Variants in SLC35E3 observed in about 807,000 individuals in gnomAD.
SLC35E3 encodes the protein solute carrier family 35 member E3.
In SLC35E3, 28 loss-of-function variants were observed where a neutral mutation model predicts 30.8. The observed-to-expected ratio is 0.91, with a 90% CI of 0.67 to 1.25. SLC35E3 has a LOEUF of 1.25. SLC35E3 is among the 50% of genes most tolerant of loss of function. The pLI, the probability that SLC35E3 is intolerant of heterozygous loss-of-function variation, is 0.00. For missense variants in SLC35E3, 365 were observed against 375.4 expected, an observed-to-expected ratio of 0.97 and a Z score of 0.23; for synonymous variants, 146 against 149.2, an observed-to-expected ratio of 0.98 and a Z score of 0.16.
In SLC35E3 at chr12:68,773,693, C is replaced by T. The variant is rs965412796; in HGVS notation, c.*8803C>T. 6 of 152,064 alleles carry T rather than the reference C, an allele frequency of 3.9e-5. No individual in the cohort carries two copies. The highest frequency in any genetic ancestry group is 1.3e-4 in the Admixed American group (2 of 15,246). The allele number at this position is 152,064 out of a possible 1,614,324, so 9.4% of individuals were successfully genotyped here. On this transcript the variant is annotated 3_prime_UTR_variant, in exon 5 of 5. Transcript: ENST00000398004. ...CTAAAATTACAGCTGTGAAACACCGCGCCTGGAGTTTAAAAGCAAGATTAA... is the reference window on the plus strand; with the variant it reads ...CTAAAATTACAGCTGTGAAACACCGTGCCTGGAGTTTAAAAGCAAGATTAA...
intron 3 of SLC35E3, 111 bp downstream of exon 3, chr12:68,752,301 C>T (rs796877815): frequency 2.7e-5 from 28 of 1,054,468 alleles, no homozygotes; most frequent in African/African-American, 1.8e-4. Context: ...TCACATTTAT[C>T]GTCATAATCA....
rs568426122 is a variant in SLC35E3 at position 68,777,717 on chromosome 12, A to G, written c.*12827A>G. 1 of 152,330 alleles carries G rather than the reference A, an allele frequency of 6.6e-6. No individual in the cohort carries two copies. The highest frequency in any genetic ancestry group is 2.4e-5 in the African/African-American group (1 of 41,560). 9.4% of individuals were successfully genotyped at this position (152,330 alleles called of 1,614,324 possible). ...TGCTAGAAATGGAGTTCACCCAAAG[A>G]ATGACCATCACAGAATTTATGAACT... On this transcript the variant is annotated 3_prime_UTR_variant, in exon 5 of 5. Coordinates refer to ENST00000398004, the MANE Select transcript of SLC35E3 (RefSeq NM_018656.5).
Position 68,746,358 on chromosome 12 carries a change from G to T in SLC35E3, c.-20G>T. The T allele has an allele frequency of 6.5e-7, 1 of 1,546,830 alleles. No homozygotes were observed. The highest frequency in any genetic ancestry group is 8.7e-7 in the Non-Finnish European group (1 of 1,146,284). On this transcript the variant is annotated 5_prime_UTR_variant, in exon 1 of 5. Transcript: ENST00000398004. Reference sequence around the variant, plus strand: ...CCGGCGCCCCTTCCGAGGCTAGACGGCCCCAGCTTCGCGGGGATCATGGCA... The same window carrying T: ...CCGGCGCCCCTTCCGAGGCTAGACGTCCCCAGCTTCGCGGGGATCATGGCA...
rs1266605804 is a variant in SLC35E3 at position 68,771,101 on chromosome 12, C to G, written c.*6211C>G. The G allele has an allele frequency of 6.6e-6, 1 of 152,030 alleles. No homozygotes were observed. 9.4% of individuals were successfully genotyped at this position (152,030 alleles called of 1,614,324 possible). On this transcript the variant is annotated 3_prime_UTR_variant, in exon 5 of 5. Coordinates refer to ENST00000398004, the MANE Select transcript of SLC35E3 (RefSeq NM_018656.5). Reference sequence around the variant, plus strand: ...CCAGCCTGACCAACATGGTGAAACCCCGTCTCTACTAAAAGTACAAAAATT... The same window carrying G: ...CCAGCCTGACCAACATGGTGAAACCGCGTCTCTACTAAAAGTACAAAAATT...
chr12:68,777,626 C>G lies in SLC35E3; in HGVS notation c.*12736C>G, dbSNP rs1879779477. Reference sequence around the variant, plus strand: ...GTGAAGACGCACAACCCAAGTGGGACAGTCTGAATTTCCCCACCCTCAGGT... The same window carrying G: ...GTGAAGACGCACAACCCAAGTGGGAGAGTCTGAATTTCCCCACCCTCAGGT... On this transcript the variant is annotated 3_prime_UTR_variant, in exon 5 of 5. Transcript: ENST00000398004. 1 of 152,232 alleles carries G rather than the reference C, an allele frequency of 6.6e-6. No homozygotes were observed. The highest frequency in any genetic ancestry group is 1.5e-5 in the Non-Finnish European group (1 of 68,052). 9.4% of individuals were successfully genotyped at this position (152,232 alleles called of 1,614,324 possible).
intron 2 of SLC35E3, 59 bp from the exon 3 acceptor site, chr12:68,751,973 C>T: frequency 2.0e-6 from 3 of 1,486,694 alleles, no homozygotes; most frequent in Non-Finnish European, 2.7e-6. Context: ...GTTGTCGCAT[C>T]TTTGATTATG....
intron 3 of SLC35E3, among the ~76,000 whole-genome samples, chr12:68,752,552 A>G (rs1290629071): frequency 1.3e-5 from 2 of 152,220 alleles, no homozygotes; most frequent in African/African-American, 4.8e-5. Context: ...CACTATTTCG[A>G]TTTTGAACAT....
intron 3 of SLC35E3, among the ~76,000 whole-genome samples, chr12:68,752,691 G>C: frequency 6.6e-6 from 1 of 151,360 alleles, no homozygotes; most frequent in East Asian, 1.9e-4. Flanking sequence ...GGCAACATAG[G>C]AAGACCTCAT....
At chr12:68,756,994 G>A (rs376589479) in intron 3 of SLC35E3, among the ~76,000 whole-genome samples, 10 of 152,184 alleles carry the variant, frequency 6.6e-5, no homozygotes, top group East Asian at 3.8e-4. Context: ...CAGCCTGGGC[G>A]ACAGAGTGAG....
In SLC35E3 at chr12:68,765,120, G is replaced by A. The variant is rs757319199; in HGVS notation, c.*230G>A. 3.3e-5 allele frequency: 10 copies of A among 307,004 alleles called. No individual in the cohort carries two copies. The highest frequency in any genetic ancestry group is 4.9e-5 in the Non-Finnish European group (8 of 163,086). 19.0% of individuals were successfully genotyped at this position (307,004 alleles called of 1,614,324 possible). A position where few individuals can be genotyped will look rare whatever the true frequency, so the allele number is the denominator to read the frequency against. ...AATAATACAAAATTAGCCAGGCGTG[G>A]TGGCGCATGCCTGTAATCCCAGCTA... On this transcript the variant is annotated 3_prime_UTR_variant, in exon 5 of 5. Coordinates refer to ENST00000398004, the MANE Select transcript of SLC35E3 (RefSeq NM_018656.5).
chr12:68,746,846 T>G, intron 1 of SLC35E3, 67 bp downstream of exon 1: 8 of 1,451,674 alleles, frequency 5.5e-6, no homozygotes, highest in Non-Finnish European at 7.4e-6. Flanking sequence ...CCCGGGAAAT[T>G]CGAACGCACA....
chr12:68,757,141 A>G (rs1428632573), intron 3 of SLC35E3, among the ~76,000 whole-genome samples: 1 of 152,220 alleles, frequency 6.6e-6, no homozygotes, highest in Non-Finnish European at 1.5e-5. Flanking sequence ...CCTTAATTTA[A>G]TAAAAGCCGT....
intron 4 of SLC35E3, among the ~76,000 whole-genome samples, chr12:68,761,185 A>T (rs1306957745): frequency 6.6e-6 from 1 of 152,188 alleles, no homozygotes; most frequent in African/African-American, 2.4e-5. Flanking sequence ...AGGACTATTA[A>T]ACTGAGTAAG....
rs1394850107 is a variant in SLC35E3, at chr12:68,773,303, TGAG to T, written c.*8417_*8419del. The T allele has an allele frequency of 6.6e-6, 1 of 152,236 alleles. No homozygotes were observed. Among genetic ancestry groups the T allele is most frequent in the African/African-American group, 2.4e-5 (1 of 41,450 alleles). The allele number at this position is 152,236 out of a possible 1,614,324, so 9.4% of individuals were successfully genotyped here. A position where few individuals can be genotyped will look rare whatever the true frequency, so the allele number is the denominator to read the frequency against. On this transcript the variant is annotated 3_prime_UTR_variant, in exon 5 of 5. Transcript: ENST00000398004. Reference sequence around the variant, plus strand: ...GGAGGCTCAAAATCAATTACTCTGTTGAGGAGATGGAATCTCCTGGAATCTCAA... The same window carrying T: ...GGAGGCTCAAAATCAATTACTCTGTTGAGATGGAATCTCCTGGAATCTCAA...
chr12:68,757,912 A>AC (rs1347816985), intron 3 of SLC35E3, among the ~76,000 whole-genome samples: 1 of 150,464 alleles, frequency 6.6e-6, no homozygotes, highest in African/African-American at 2.4e-5. Flanking sequence ...ACATGGTGAA[A>AC]CCCCATCTCT....
At position 68,778,250 on chromosome 12, in the gene SLC35E3, A is replaced by G. The variant is rs1025649889; in HGVS notation, c.*13360A>G. ...AGAACAATCCACCACAAACATAGCA[A>G]TCATGAACAACCCAGAAAACAGCAT... is the stretch of plus-strand genomic sequence containing the variant. On this transcript the variant is annotated 3_prime_UTR_variant, in exon 5 of 5. Transcript: ENST00000398004. The G allele has an allele frequency of 6.6e-6, 1 of 152,196 alleles. No homozygotes were observed. Among genetic ancestry groups the G allele is most frequent in the Non-Finnish European group, 1.5e-5 (1 of 68,038 alleles). The allele number at this position is 152,196 out of a possible 1,614,324, so 9.4% of individuals were successfully genotyped here. A position where few individuals can be genotyped will look rare whatever the true frequency, so the allele number is the denominator to read the frequency against.
intron 2 of SLC35E3, 63 bp from the exon 3 acceptor site, chr12:68,751,969 G>A (rs536793146): frequency 1.5e-5 from 22 of 1,452,178 alleles, no homozygotes; most frequent in Middle Eastern, 1.8e-4. Flanking sequence ...TCTAGTTGTC[G>A]CATCTTTGAT....
Position 68,747,959 on chromosome 12 carries a change from T to C in SLC35E3, c.432T>C (p.Asn144=). 1 of 1,605,302 alleles carries C rather than the reference T, an allele frequency of 6.2e-7. No homozygotes were observed. The change falls in exon 2 of 5, where the codon AAT becomes AAC. Residue 144 remains asparagine, a synonymous_variant. Coordinates refer to ENST00000398004, the MANE Select transcript of SLC35E3 (RefSeq NM_018656.5). ...LIPITLGVIL[N]SYYDVKFNFL... is the part of the protein sequence containing the mutation. Reference sequence around the variant, plus strand: ...CTATAACTTTAGGTGTAATCCTAAATTCTTATTACGATGTGAAGTTTAATT... The same window carrying C: ...CTATAACTTTAGGTGTAATCCTAAACTCTTATTACGATGTGAAGTTTAATT...
At position 68,781,202 on chromosome 12, in the gene SLC35E3, T is replaced by G. The variant is rs1019490698; in HGVS notation, c.*16312T>G. Reference sequence around the variant, plus strand: ...ATTTAAAAAATCTATGTGACACAAATTAATCATCATTCTCATTGTAAATTT... The same window carrying G: ...ATTTAAAAAATCTATGTGACACAAAGTAATCATCATTCTCATTGTAAATTT... On this transcript the variant is annotated 3_prime_UTR_variant, in exon 5 of 5. Transcript: ENST00000398004. The G allele has an allele frequency of 6.6e-6, 1 of 152,228 alleles. No homozygotes were observed. 9.4% of individuals were successfully genotyped at this position (152,228 alleles called of 1,614,324 possible). A position where few individuals can be genotyped will look rare whatever the true frequency, so the allele number is the denominator to read the frequency against.
Sources: allele counts gnomAD v4.1 joint callset (sites outside exome capture counted in the v4.1 genomes callset), GRCh38; gene constraint gnomAD v4.1.1; transcripts MANE v1.5; gene names NCBI Gene and HGNC (gene_info 2026-07-23, HGNC 2026-07-21).